SPTLC3: variants seen among roughly 807,000 people sequenced by gnomAD.
SPTLC3 encodes serine palmitoyltransferase long chain base subunit 3, also known as serine palmitoyltransferase 3.
Under a neutral mutation model 59.3 loss-of-function variants are expected in SPTLC3, and 36 were observed. The ratio of observed to expected loss-of-function variants is 0.61; its 90% CI spans 0.47 to 0.80. The LOEUF (loss-of-function observed/expected upper bound fraction) is 0.80, where lower values mean the gene tolerates loss of function less well. Ranked by LOEUF, SPTLC3 falls within the 30% of genes least tolerant of loss-of-function variation. The pLI is 0.00. For missense variants in SPTLC3, 625 were observed against 685.1 expected, an observed-to-expected ratio of 0.91 and a Z score of 0.98; for synonymous variants, 257 against 240.8, an observed-to-expected ratio of 1.07 and a Z score of -0.62.
intron 1 of SPTLC3, among the ~76,000 whole-genome samples, chr20:13,047,969 T>C (rs2122495049): frequency 6.6e-6 from 1 of 152,260 alleles, no homozygotes; most frequent in South Asian, 2.1e-4. Flanking sequence ...GATTAAAACA[T>C]TATGTGATGT....
intron 4 of SPTLC3, among the ~76,000 whole-genome samples, chr20:13,077,767 G>A (rs986227724): frequency 9.2e-5 from 14 of 151,634 alleles, no homozygotes; most frequent in African/African-American, 3.1e-4. Context: ...AATTTCTATT[G>A]AGCCAAGCTA....
chr20:13,153,919 T>C, intron 9 of SPTLC3, 84 bp from the exon 10 acceptor site: 1 of 1,558,148 alleles, frequency 6.4e-7, no homozygotes, highest in Non-Finnish European at 8.7e-7. Flanking sequence ...GCAGAAAGAC[T>C]TAAAGATGCT....
intron 8 of SPTLC3, among the ~76,000 whole-genome samples, chr20:13,120,517 T>TCTTAA (rs1054547521): frequency 5.9e-5 from 9 of 152,212 alleles, no homozygotes; most frequent in Non-Finnish European, 2.9e-5. Context: ...AACATCTGGC[T>TCTTAA]CTTAACTCTC....
chr20:13,014,062 T>G (rs535746579), intron 1 of SPTLC3, among the ~76,000 whole-genome samples: 1 of 152,340 alleles, frequency 6.6e-6, no homozygotes, highest in East Asian at 1.9e-4. Flanking sequence ...GATGACTGGC[T>G]TCTAAGAGAG....
chr20:13,073,773 C>A (rs1020288625), intron 3 of SPTLC3: 1 of 590,406 alleles, frequency 1.7e-6, no homozygotes. Context: ...CCAAAGAGGG[C>A]AGCCAGCCTG....
At chr20:13,085,084 T>C (rs1988962417) in intron 4 of SPTLC3, among the ~76,000 whole-genome samples, 1 of 152,078 alleles carries the variant, frequency 6.6e-6, no homozygotes, top group Non-Finnish European at 1.5e-5. Context: ...AAGGCCTGAG[T>C]GAGTGGGCAG....
chr20:13,046,954 T>A (rs999195388), intron 1 of SPTLC3, among the ~76,000 whole-genome samples: 1 of 152,144 alleles, frequency 6.6e-6, no homozygotes, highest in African/African-American at 2.4e-5. Flanking sequence ...CATGAAGTAG[T>A]GTTTGGGATG....
At chr20:13,134,572 G>T (rs1039802607) in intron 9 of SPTLC3, among the ~76,000 whole-genome samples, 15 of 152,146 alleles carry the variant, frequency 9.9e-5, no homozygotes, top group African/African-American at 3.4e-4. Flanking sequence ...GTTACCTGGG[G>T]CTTGTTAGAA....
At chr20:13,086,583 C>T (rs903252624) in intron 4 of SPTLC3, among the ~76,000 whole-genome samples, 1 of 152,126 alleles carries the variant, frequency 6.6e-6, no homozygotes, top group Non-Finnish European at 1.5e-5. Flanking sequence ...CCCCTGGATG[C>T]AAAACCACTC....
At chr20:13,160,285 G>A (rs773079677) in intron 11 of SPTLC3, among the ~76,000 whole-genome samples, 153 bp downstream of exon 11, 5 of 152,170 alleles carry the variant, frequency 3.3e-5, no homozygotes, top group East Asian at 1.9e-4. Context: ...ACAAGAGCTC[G>A]TCAACAACAG....
At chr20:13,136,110 GA>G (rs1228458353) in intron 9 of SPTLC3, among the ~76,000 whole-genome samples, 1 of 152,138 alleles carries the variant, frequency 6.6e-6, no homozygotes, top group Admixed American at 6.5e-5. Flanking sequence ...TAGGAAAAAT[GA>G]AATTCTCTAT....
chr20:13,062,280 C>A (rs1460261379), intron 2 of SPTLC3, among the ~76,000 whole-genome samples: 1 of 152,156 alleles, frequency 6.6e-6, no homozygotes, highest in Non-Finnish European at 1.5e-5. Context: ...AAGTTGTCCA[C>A]AGTTGTATCT....
At chr20:13,027,335 T>C (rs1986199916) in intron 1 of SPTLC3, among the ~76,000 whole-genome samples, 2 of 152,118 alleles carry the variant, frequency 1.3e-5, no homozygotes, top group African/African-American at 4.8e-5. Flanking sequence ...CCCTCAGTCA[T>C]CCAGGAAGTG....
intron 1 of SPTLC3, among the ~76,000 whole-genome samples, chr20:13,036,028 C>A (rs1401425396): frequency 1.3e-5 from 2 of 151,924 alleles, no homozygotes; most frequent in Non-Finnish European, 2.9e-5. Flanking sequence ...ATTGACATTC[C>A]AAAGTATTTT....
intron 1 of SPTLC3, among the ~76,000 whole-genome samples, chr20:13,014,880 T>C (rs1022551018): frequency 1.3e-5 from 2 of 151,836 alleles, no homozygotes; most frequent in African/African-American, 4.8e-5. Flanking sequence ...ACACATGGGC[T>C]GAGCACACTC....
chr20:13,112,511 C>A (rs984575003), intron 7 of SPTLC3, among the ~76,000 whole-genome samples: 1 of 152,158 alleles, frequency 6.6e-6, no homozygotes, highest in African/African-American at 2.4e-5. Flanking sequence ...TAGACCCTAC[C>A]CCCTGATGGA....
At chr20:13,148,803 G>A (rs1259156762) in intron 9 of SPTLC3, among the ~76,000 whole-genome samples, 2 of 152,198 alleles carry the variant, frequency 1.3e-5, no homozygotes, top group Non-Finnish European at 2.9e-5. Flanking sequence ...TGGACATAAG[G>A]TTTGCCAAGC....
intron 1 of SPTLC3, among the ~76,000 whole-genome samples, chr20:13,025,721 A>C (rs545764468): frequency 6.6e-6 from 1 of 152,280 alleles, no homozygotes; most frequent in African/African-American, 2.4e-5. Context: ...TGACCTGCAG[A>C]AACCTTTTTT....
intron 2 of SPTLC3, among the ~76,000 whole-genome samples, chr20:13,052,134 T>A (rs1375865971): frequency 1.3e-5 from 2 of 152,114 alleles, no homozygotes; most frequent in East Asian, 1.9e-4. Flanking sequence ...AAGATCAATG[T>A]AGAAGGCATT....
Sources: gnomAD v4.1 joint callset for allele counts (sites outside exome capture counted in the v4.1 genomes callset) on GRCh38, gnomAD v4.1.1 for gene constraint, MANE v1.5 for transcripts, NCBI Gene and HGNC (gene_info 2026-07-23, HGNC 2026-07-21) for gene names.